IL6R: variants seen among roughly 807,000 people sequenced by gnomAD.
IL6R encodes the protein interleukin 6 receptor, also known as interleukin-6 receptor subunit alpha.
Under a neutral mutation model 48.3 loss-of-function variants are expected in IL6R, and 38 were observed. The observed-to-expected ratio is 0.79, with a 90% CI of 0.61 to 1.03. The LOEUF (loss-of-function observed/expected upper bound fraction) is 1.03, where lower values mean the gene tolerates loss of function less well. IL6R is among the 50% of genes least tolerant of loss of function. The probability of loss-of-function intolerance (pLI) is 0.00; values close to 1 mark genes in which losing one functional copy is unlikely to be tolerated. For missense variants in IL6R, 534 were observed against 618.3 expected, an observed-to-expected ratio of 0.86 and a Z score of 1.45; for synonymous variants, 264 against 256.2, an observed-to-expected ratio of 1.03 and a Z score of -0.29.
Position 154,413,414 on chromosome 1 carries a change from G to T in IL6R, c.85+7700G>T, listed in dbSNP as rs1246414878. Among the ~76,000 whole-genome samples, 5 of 152,378 alleles carry T rather than the reference G, an allele frequency of 3.3e-5. No homozygotes were observed. The East Asian group carries it at 9.6e-4, about 29-fold the overall frequency. On this transcript the variant is annotated intron_variant, in intron 1 of 9. Transcript: ENST00000368485. ...TGTGTGAGTGCAAGTACACCTGCAG[G>T]ATATATTCCCCGAAGGGGAATTGAT...
intron 6 of IL6R, among the ~76,000 whole-genome samples, chr1:154,440,859 G>T (rs1235533384): frequency 6.6e-6 from 1 of 152,086 alleles, no homozygotes; most frequent in African/African-American, 2.4e-5. Flanking sequence ...TGCCATGTTG[G>T]CGAGGCTGCT....
chr1:154,429,192 C>G lies in IL6R; in HGVS notation c.86-4C>G. ...GCTCACCAAGTGTCTTCTCCCTCCT[C>G]CAGAGGTGGCGAGAGGCGTGCTGAC... On this transcript the variant is annotated splice_region_variant and splice_polypyrimidine_tract_variant and intron_variant, in intron 1 of 9. Transcript: ENST00000368485. 13 of 1,608,762 alleles carry G rather than the reference C, an allele frequency of 8.1e-6. No individual in the cohort carries two copies. The highest frequency in any genetic ancestry group is 1.1e-5 in the Non-Finnish European group (13 of 1,175,638).
At chr1:154,454,389 CT>C in intron 8 of IL6R, 98 bp from the exon 9 acceptor site, 3 of 780,638 alleles carry the variant, frequency 3.8e-6, no homozygotes, top group Non-Finnish European at 6.5e-6. Flanking sequence ...TCCTTTGAGG[CT>C]TTTGACAGCA....
At position 154,405,819 on chromosome 1, in the gene IL6R, G is replaced by T. The variant is rs1054295198; in HGVS notation, c.85+105G>T. 3 of 850,580 alleles carry T rather than the reference G, an allele frequency of 3.5e-6. No individual in the cohort carries two copies. The African/African-American group carries it at 5.4e-5, about 15-fold the overall frequency. 52.7% of individuals were successfully genotyped at this position (850,580 alleles called of 1,614,324 possible). On this transcript the variant is annotated intron_variant, in intron 1 of 9. Transcript: ENST00000368485. This position sits in a 1 kb window ranked among gnomAD's most constrained non-coding sequence, Gnocchi z 5.2. ...AGGCTGGAGGGAGGAAAGGAGGTGC[G>T]ACGGATCCCCTTTTCTGTGGCTGCC...
Position 154,415,245 on chromosome 1 carries a change from C to T in IL6R, c.85+9531C>T, listed in dbSNP as rs146037293. 489 of 611,266 alleles carry T rather than the reference C, an allele frequency of 8.0e-4. 3 individuals carry two copies. The highest frequency in any genetic ancestry group is 7.6e-3 in the African/African-American group (409 of 53,654). 37.9% of individuals were successfully genotyped at this position (611,266 alleles called of 1,614,324 possible). A position where few individuals can be genotyped will look rare whatever the true frequency, so the allele number is the denominator to read the frequency against. ...CATTCCAATATTTTAAAAGATTCTCCTTTTCTGGTATTGTTAAAAGTTTTA... is the reference window on the plus strand; with the variant it reads ...CATTCCAATATTTTAAAAGATTCTCTTTTTCTGGTATTGTTAAAAGTTTTA... On this transcript the variant is annotated intron_variant, in intron 1 of 9. Transcript: ENST00000368485.
rs375901317 is a variant in IL6R, at chr1:154,435,260, G to A, written c.807+104G>A. ...CATGGTGGCTCACGCCTGTAATCCCGGCCCTTTGGGAGGCCAAGGTGGGCG... is the reference window on the plus strand; with the variant it reads ...CATGGTGGCTCACGCCTGTAATCCCAGCCCTTTGGGAGGCCAAGGTGGGCG... On this transcript the variant is annotated intron_variant, in intron 5 of 9. Coordinates refer to ENST00000368485, the MANE Select transcript of IL6R (RefSeq NM_000565.4). The A allele has an allele frequency of 2.7e-4, 299 of 1,123,226 alleles. 1 individual carries two copies. Among genetic ancestry groups the A allele is most frequent in the Middle Eastern group, 1.9e-3 (9 of 4,798 alleles). The allele number at this position is 1,123,226 out of a possible 1,614,324, so 69.6% of individuals were successfully genotyped here.
intron 9 of IL6R, among the ~76,000 whole-genome samples, chr1:154,459,347 C>T (rs1284827853): frequency 6.6e-6 from 1 of 152,208 alleles, no homozygotes; most frequent in Non-Finnish European, 1.5e-5. Flanking sequence ...TAGTGAGTTT[C>T]CATTTTCTTC....
Position 154,434,507 on chromosome 1 carries a change from T to C in IL6R, c.459-12T>C. On this transcript the variant is annotated splice_polypyrimidine_tract_variant and intron_variant, in intron 3 of 9. Coordinates refer to ENST00000368485, the MANE Select transcript of IL6R (RefSeq NM_000565.4). Reference sequence around the variant, plus strand: ...TGACAGGCAAGCCCTGCCCTTGTTTTGTGTCTAACAGTCAGAACAGTCCGG... The same window carrying C: ...TGACAGGCAAGCCCTGCCCTTGTTTCGTGTCTAACAGTCAGAACAGTCCGG... The C allele has an allele frequency of 1.9e-6, 3 of 1,608,690 alleles. No individual in the cohort carries two copies. Among genetic ancestry groups the C allele is most frequent in the Non-Finnish European group, 2.5e-6 (3 of 1,178,052 alleles).
At chr1:154,407,697 A>G (rs754557773) in intron 1 of IL6R, among the ~76,000 whole-genome samples, 14 of 152,316 alleles carry the variant, frequency 9.2e-5, no homozygotes, top group Non-Finnish European at 1.6e-4. Flanking sequence ...CCGCAGGTAC[A>G]GCCTGCGGGG....
chr1:154,441,024 T>C (rs371508866), intron 6 of IL6R, among the ~76,000 whole-genome samples: 21 of 152,234 alleles, frequency 1.4e-4, no homozygotes, highest in African/African-American at 5.1e-4. Context: ...TAGAAAGTTC[T>C]TTCTTATGTG....
chr1:154,456,470 G>A lies in IL6R; in HGVS notation c.1160+1889G>A, dbSNP rs148366270. On this transcript the variant is annotated intron_variant, in intron 9 of 9. Coordinates refer to ENST00000368485, the MANE Select transcript of IL6R (RefSeq NM_000565.4). ...GATCCGCCCGCCTCCGCCTCCCAAA[G>A]TGCTGGGATTACAGGCGTGAGCCAC... 5.2e-3 allele frequency among the ~76,000 whole-genome samples: 785 copies of A among 152,254 alleles called. 8 individuals are homozygous for A. The highest frequency in any genetic ancestry group is 0.018 in the African/African-American group (738 of 41,542).
At chr1:154,438,149 CTT>C (rs1311737050) in intron 6 of IL6R, among the ~76,000 whole-genome samples, 1 of 152,198 alleles carries the variant, frequency 6.6e-6, no homozygotes, top group Non-Finnish European at 1.5e-5. Context: ...CTGCTTGACT[CTT>C]TCTGTTTCTA....
In IL6R at chr1:154,411,190, C is replaced by T. The variant is rs1230951043; in HGVS notation, c.85+5476C>T. On this transcript the variant is annotated intron_variant, in intron 1 of 9. Transcript: ENST00000368485. ...TCTCCTGCCTCTGCCTCCAGAGTAG[C>T]TGGCATTACGGGTGCACACCACCAC... 3.9e-5 allele frequency among the ~76,000 whole-genome samples: 6 copies of T among 152,142 alleles called. No individual in the cohort carries two copies. In the East Asian group the frequency reaches 1.2e-3, roughly 29 times the overall value.
chr1:154,440,474 C>T (rs1415111902), intron 6 of IL6R, among the ~76,000 whole-genome samples: 7 of 152,086 alleles, frequency 4.6e-5, no homozygotes, highest in African/African-American at 1.7e-4. Context: ...CATGGAAATG[C>T]CATGCCGTTT....
At chr1:154,428,166 C>G (rs763027386) in intron 1 of IL6R, among the ~76,000 whole-genome samples, 1 of 152,112 alleles carries the variant, frequency 6.6e-6, no homozygotes, top group Non-Finnish European at 1.5e-5. Context: ...GACTCTATAA[C>G]TGCTACTCAA....
chr1:154,443,445 C>T (rs1458872605), intron 6 of IL6R, among the ~76,000 whole-genome samples: 2 of 152,228 alleles, frequency 1.3e-5, no homozygotes, highest in Non-Finnish European at 2.9e-5. Flanking sequence ...TCCCTCTCTG[C>T]CCTGTTTTCT....
intron 6 of IL6R, among the ~76,000 whole-genome samples, chr1:154,442,395 G>A (rs1046692598): frequency 1.3e-5 from 2 of 152,216 alleles, no homozygotes; most frequent in African/African-American, 2.4e-5. Context: ...GCACGGAGCT[G>A]TGAGCAAGGG....
intron 6 of IL6R, chr1:154,445,099 G>A (rs1442973818): frequency 2.2e-6 from 1 of 456,104 alleles, no homozygotes; most frequent in African/African-American, 2.0e-5. Flanking sequence ...CTGGAGGTGA[G>A]TCATTTCTCC....
intron 1 of IL6R, chr1:154,418,396 C>T (rs1489662118): frequency 4.1e-6 from 4 of 984,316 alleles, no homozygotes; most frequent in Non-Finnish European, 4.8e-6. Context: ...CAGCAGTGTA[C>T]AGTCCATCGT....
Sources: gnomAD v4.1 joint callset for allele counts (sites outside exome capture counted in the v4.1 genomes callset) on GRCh38, gnomAD v4.1.1 for gene constraint, Gnocchi (gnomAD v3.1) non-coding constraint, MANE v1.5 for transcripts, NCBI Gene and HGNC (gene_info 2026-07-23, HGNC 2026-07-21) for gene names.